The following DNAH3 variants were observed in gnomAD, a reference collection of about 807,000 sequenced individuals.
DNAH3 encodes the protein dynein axonemal heavy chain 3.
Under a neutral mutation model 432.5 loss-of-function variants are expected in DNAH3, and 332 were observed. That is an observed-to-expected ratio of 0.77 (90% CI 0.70 to 0.84). The LOEUF is 0.84. Ranked by LOEUF, DNAH3 falls within the 40% of genes least tolerant of loss-of-function variation. The pLI is 0.00. For synonymous variants in DNAH3, 1,956 were observed against 1,900.2 expected (o/e 1.03, Z -0.76); for missense variants, 4,861 against 5,114.0 (o/e 0.95, Z 1.51).
rs893895979 is a variant in DNAH3, at chr16:21,134,392, A to G, written c.949T>C (p.Leu317=). Reference sequence around the variant, plus strand: ...GCCCGGATCACTCTTTGAGGAAACAAGCGGGGGATGCTCTCAATAAAGAGC... The same window carrying G: ...GCCCGGATCACTCTTTGAGGAAACAGGCGGGGGATGCTCTCAATAAAGAGC... The change falls in exon 7 of 62, where the codon TTG becomes CTG. Residue 317 remains leucine (L), a synonymous_variant. Transcript: ENST00000261383. 9 of 1,614,104 alleles carry G rather than the reference A, an allele frequency of 5.6e-6. No homozygotes were observed. The African/African-American group carries it at 9.3e-5, about 17-fold the overall frequency.
At chr16:21,156,029 G>T (rs1040131298) in intron 1 of DNAH3, among the ~76,000 whole-genome samples, 1 of 152,124 alleles carries the variant, frequency 6.6e-6, no homozygotes, top group African/African-American at 2.4e-5. Context: ...TGCTCTGAAG[G>T]CTGGAAGTTC....
At chr16:21,011,353 T>A (rs1476215831) in intron 41 of DNAH3, among the ~76,000 whole-genome samples, 1 of 152,188 alleles carries the variant, frequency 6.6e-6, no homozygotes, top group Non-Finnish European at 1.5e-5. Flanking sequence ...ACTTTCTTTT[T>A]CTTTTGAGAC....
At chr16:21,144,270 G>A (rs1368259214) in intron 3 of DNAH3, among the ~76,000 whole-genome samples, 2 of 152,132 alleles carry the variant, frequency 1.3e-5, no homozygotes, top group African/African-American at 4.8e-5. Context: ...AAAGTGACAA[G>A]ATGTCACTTC....
chr16:21,154,296 T>A (rs1425744686), intron 1 of DNAH3, among the ~76,000 whole-genome samples: 1 of 152,170 alleles, frequency 6.6e-6, no homozygotes, highest in Non-Finnish European at 1.5e-5. Context: ...TCCCAGCTTC[T>A]TGGGTTGCTG....
intron 57 of DNAH3, among the ~76,000 whole-genome samples, chr16:20,944,914 C>G (rs1349864343): frequency 1.3e-5 from 2 of 152,198 alleles, no homozygotes; most frequent in Non-Finnish European, 2.9e-5. Context: ...TCTGCTCCCC[C>G]AGTGGGCCTG....
chr16:21,154,599 A>G (rs1212726379), intron 1 of DNAH3, among the ~76,000 whole-genome samples: 1 of 152,214 alleles, frequency 6.6e-6, no homozygotes, highest in African/African-American at 2.4e-5. Context: ...GGCACTTAGT[A>G]GACATCATGT....
chr16:21,006,258 T>C (rs547601602), intron 41 of DNAH3, among the ~76,000 whole-genome samples: 2 of 152,204 alleles, frequency 1.3e-5, no homozygotes, highest in Non-Finnish European at 2.9e-5. Context: ...ATGGCATTAT[T>C]TTATTCCCAA....
At chr16:21,137,148 A>T (rs1022249844) in intron 5 of DNAH3, among the ~76,000 whole-genome samples, 6 of 151,750 alleles carry the variant, frequency 4.0e-5, no homozygotes, top group African/African-American at 1.5e-4. Flanking sequence ...ACAAACAAAA[A>T]AACATTAGAT....
exon 53 of DNAH3, chr16:20,963,481 T>C (rs1483834652): frequency 3.7e-6 from 6 of 1,614,098 alleles, no homozygotes; most frequent in Non-Finnish European, 8.5e-7. Context: ...CTCCAATCCT[T>C]GAGAGAACTT....
intron 37 of DNAH3, among the ~76,000 whole-genome samples, chr16:21,029,925 G>A (rs1191261003): frequency 6.6e-6 from 1 of 152,062 alleles, no homozygotes; most frequent in Admixed American, 6.6e-5. Flanking sequence ...CCAGACTCAA[G>A]GGATCCTCAC....
chr16:20,979,413 G>A, exon 50 of DNAH3: 1 of 1,614,134 alleles, frequency 6.2e-7, no homozygotes, highest in Non-Finnish European at 8.5e-7. Flanking sequence ...TTGCTATTCA[G>A]GAGCGTCTTG....
At chr16:21,055,240 G>A (rs1319694907) in intron 27 of DNAH3, among the ~76,000 whole-genome samples, 1 of 152,166 alleles carries the variant, frequency 6.6e-6, no homozygotes, top group Non-Finnish European at 1.5e-5. Context: ...ATGTTTAGTA[G>A]AGATGGGGTT....
At chr16:21,098,594 T>A (rs1453861791) in intron 17 of DNAH3, 22 bp downstream of exon 17, 1 of 1,602,580 alleles carries the variant, frequency 6.2e-7, no homozygotes, top group East Asian at 2.2e-5. Flanking sequence ...GTGTCATAAG[T>A]CCCCATCTCA....
At chr16:21,074,299 G>T (rs1240298599) in intron 21 of DNAH3, among the ~76,000 whole-genome samples, 3 of 152,144 alleles carry the variant, frequency 2.0e-5, no homozygotes, top group African/African-American at 7.2e-5. Flanking sequence ...AAAACCAGGG[G>T]TGCCTGAAAA....
chr16:20,943,413 G>C (rs1465980271), intron 58 of DNAH3, among the ~76,000 whole-genome samples: 1 of 151,892 alleles, frequency 6.6e-6, no homozygotes, highest in East Asian at 2.0e-4. Flanking sequence ...TTGTAGTGAT[G>C]CGGTCTCCTT....
intron 54 of DNAH3, among the ~76,000 whole-genome samples, chr16:20,955,631 G>A (rs2152598384): frequency 6.6e-6 from 1 of 152,130 alleles, no homozygotes; most frequent in African/African-American, 2.4e-5. Context: ...AACCAGAGTT[G>A]AATAGTTGCA....
chr16:20,946,445 A>T (rs989004326), intron 57 of DNAH3, among the ~76,000 whole-genome samples: 1 of 152,008 alleles, frequency 6.6e-6, no homozygotes, highest in Non-Finnish European at 1.5e-5. Context: ...TCAAGCCCTG[A>T]CCACCTGGGG....
intron 14 of DNAH3, among the ~76,000 whole-genome samples, chr16:21,108,486 G>A (rs2091997193): frequency 6.6e-6 from 1 of 152,180 alleles, no homozygotes; most frequent in Admixed American, 6.6e-5. Context: ...GCTCACGCCT[G>A]TAATCCCAGC....
At chr16:20,933,888 G>C (rs549637975) in intron 61 of DNAH3, among the ~76,000 whole-genome samples, 2 of 152,340 alleles carry the variant, frequency 1.3e-5, no homozygotes, top group African/African-American at 2.4e-5. Flanking sequence ...AGATGAGTGT[G>C]GGGAGAATAA....
Sources: gnomAD v4.1 joint callset for allele counts (sites outside exome capture counted in the v4.1 genomes callset) on GRCh38, gnomAD v4.1.1 for gene constraint, MANE v1.5 for transcripts, NCBI Gene and HGNC (gene_info 2026-07-23, HGNC 2026-07-21) for gene names.